SPOCK1: variants seen among roughly 807,000 people sequenced by gnomAD.
SPOCK1 encodes SPARC (osteonectin), cwcv and kazal like domains proteoglycan 1.
A neutral mutation model predicts 55.3 loss-of-function variants in SPOCK1; 23 were observed. That is an observed-to-expected ratio of 0.42 (90% confidence interval 0.30 to 0.59). The LOEUF is 0.59. Ranked by LOEUF, SPOCK1 falls within the 20% of genes least tolerant of loss-of-function variation. SPOCK1 has a pLI of 0.22. For synonymous variants in SPOCK1, 226 were observed against 221.0 expected (o/e 1.02, Z -0.20); for missense variants, 499 against 552.5 (o/e 0.90, Z 0.97).
chr5:137,081,116 C>T (rs533969512), intron 5 of SPOCK1, among the ~76,000 whole-genome samples: 6 of 152,342 alleles, frequency 3.9e-5, no homozygotes, highest in African/African-American at 1.2e-4. Flanking sequence ...TTCTGAGGGG[C>T]ATTCCAGGCC....
chr5:137,142,682 C>T (rs1293930142), intron 3 of SPOCK1, among the ~76,000 whole-genome samples: 1 of 152,208 alleles, frequency 6.6e-6, no homozygotes, highest in East Asian at 1.9e-4. Flanking sequence ...CTGAAGGCAA[C>T]CTCTGCAAGG....
chr5:137,122,894 A>G (rs1580762432), intron 4 of SPOCK1, among the ~76,000 whole-genome samples: 1 of 152,244 alleles, frequency 6.6e-6, no homozygotes, highest in Non-Finnish European at 1.5e-5. Flanking sequence ...AACACCTGTA[A>G]TTGTTTTCTG....
At chr5:137,024,695 G>C (rs1751638714) in intron 6 of SPOCK1, among the ~76,000 whole-genome samples, 1 of 151,918 alleles carries the variant, frequency 6.6e-6, no homozygotes, top group South Asian at 2.1e-4. Flanking sequence ...TGATATGTCA[G>C]TCATCTCTAC....
intron 6 of SPOCK1, among the ~76,000 whole-genome samples, chr5:137,002,168 AATAAG>A (rs1424023578): frequency 2.6e-5 from 4 of 152,148 alleles, no homozygotes; most frequent in Admixed American, 6.6e-5. Context: ...TTAAACTTGG[AATAAG>A]ATGAGTTATA....
intron 3 of SPOCK1, among the ~76,000 whole-genome samples, chr5:137,229,191 T>C (rs571859067): frequency 6.6e-6 from 1 of 152,324 alleles, no homozygotes; most frequent in South Asian, 2.1e-4. Context: ...TATTTTTGCC[T>C]TTCCATTTAT....
chr5:136,991,350 A>G (rs1400192495), intron 7 of SPOCK1, among the ~76,000 whole-genome samples: 1 of 152,096 alleles, frequency 6.6e-6, no homozygotes, highest in African/African-American at 2.4e-5. Flanking sequence ...TTCTTAAGGT[A>G]AAAGATCCCA....
chr5:137,376,547 G>T (rs1376371820), intron 2 of SPOCK1, among the ~76,000 whole-genome samples: 2 of 152,192 alleles, frequency 1.3e-5, no homozygotes, highest in Non-Finnish European at 2.9e-5. Context: ...GGGGCAGAGG[G>T]GGGCCTTTTA....
At chr5:137,337,086 G>A (rs533709327) in intron 2 of SPOCK1, among the ~76,000 whole-genome samples, 12 of 152,170 alleles carry the variant, frequency 7.9e-5, no homozygotes, top group Non-Finnish European at 1.8e-4. Flanking sequence ...ACTAGTACCT[G>A]CTGAATTAAC....
At chr5:137,066,987 CAGAG>C (rs753181225) in intron 6 of SPOCK1, among the ~76,000 whole-genome samples, 33 of 139,628 alleles carry the variant, frequency 2.4e-4, no homozygotes, top group African/African-American at 4.7e-4. Context: ...CACACACACA[CAGAG>C]AGAGAGAGAG....
Position 137,267,560 on chromosome 5 carries a change from C to T in SPOCK1, c.187-505G>A, listed in dbSNP as rs59681976. ...TCCAAATGTTAGAATTAACCAAAGG[C>T]GTACATTTAGCTTAATACCATTTGT... On this transcript the variant is annotated intron_variant, in intron 2 of 10. Coordinates refer to ENST00000394945, the MANE Select transcript of SPOCK1 (RefSeq NM_004598.4). Among the ~76,000 whole-genome samples, 311 of 152,258 alleles carry T rather than the reference C, an allele frequency of 2.0e-3. 1 individual carries two copies. The highest frequency in any genetic ancestry group is 7.1e-3 in the African/African-American group (296 of 41,538).
intron 6 of SPOCK1, among the ~76,000 whole-genome samples, chr5:137,063,405 G>GAA (rs546494577): frequency 0.1 from 12,357 of 123,464 alleles, 1,118 homozygotes; most frequent in African/African-American, 0.25. Context: ...TTTGACTTCT[G>GAA]AAAAAAAAAA....
chr5:136,994,358 T>C (rs1006799850), intron 6 of SPOCK1, among the ~76,000 whole-genome samples: 2 of 152,136 alleles, frequency 1.3e-5, no homozygotes, highest in African/African-American at 4.8e-5. Flanking sequence ...CTGGAATGAA[T>C]CCCAGCTTTG....
rs747142799 is a variant in SPOCK1, at chr5:137,384,576, A to ATATATATATATATG, written c.186+113796_186+113797insCATATATATATATA. On this transcript the variant is annotated intron_variant, in intron 2 of 10. Coordinates refer to ENST00000394945, the MANE Select transcript of SPOCK1 (RefSeq NM_004598.4). ...TATACATACATACATATATATATAT[A>ATATATATATATATG]TATGTATGTATTTTTTTTTCCCCCT... Among the ~76,000 whole-genome samples the ATATATATATATATG allele has an allele frequency of 3.3e-4, 46 of 140,256 alleles. 1 individual carries two copies. Among genetic ancestry groups the ATATATATATATATG allele is most frequent in the South Asian group, 1.2e-3 (5 of 4,284 alleles). The allele number at this position is 140,256 out of a possible 152,430, so 92.0% of individuals were successfully genotyped here.
chr5:137,056,771 C>A (rs1344015016), intron 6 of SPOCK1, among the ~76,000 whole-genome samples: 2 of 151,986 alleles, frequency 1.3e-5, no homozygotes, highest in Non-Finnish European at 2.9e-5. Flanking sequence ...AAGCTTGGAC[C>A]AAACATAGTA....
At position 136,978,788 on chromosome 5, in the gene SPOCK1, C is replaced by A; in HGVS notation, c.1186G>T (p.Asp396Tyr). ...FGSGGSVVLL[D>Y]DLEYERELGP... ...AGCTCCCGTTCATATTCTAGGTCAT[C>A]CAGCAGGACCACGGACCCACCACTG... Residue 396 changes from aspartate (D) to tyrosine (Y), a missense_variant, in exon 11 of 11, where the codon GAT (aspartate) becomes TAT (tyrosine). By Grantham distance (160) the Asp-to-Tyr change is radical (BLOSUM62 -3). Around this residue, in one of 3 missense-constraint regions of SPOCK1, gnomAD observed 83 missense variants for 87.5 expected, o/e 0.95. Coordinates refer to ENST00000394945, the MANE Select transcript of SPOCK1 (RefSeq NM_004598.4). 1 of 1,614,036 alleles carries A rather than the reference C, an allele frequency of 6.2e-7. No individual in the cohort carries two copies. Among genetic ancestry groups the A allele is most frequent in the Non-Finnish European group, 8.5e-7 (1 of 1,179,972 alleles).
chr5:137,231,481 T>C (rs1488544738), intron 3 of SPOCK1, among the ~76,000 whole-genome samples: 1 of 152,230 alleles, frequency 6.6e-6, no homozygotes, highest in African/African-American at 2.4e-5. Flanking sequence ...ATTATATAAT[T>C]ATACAGTCTA....
chr5:137,419,618 A>G (rs1251230818), intron 2 of SPOCK1, among the ~76,000 whole-genome samples: 3 of 152,190 alleles, frequency 2.0e-5, no homozygotes. Flanking sequence ...TTATTGGTGT[A>G]TAAGAATGCT....
chr5:137,188,280 C>T (rs781195913), intron 3 of SPOCK1, among the ~76,000 whole-genome samples: 6 of 152,210 alleles, frequency 3.9e-5, no homozygotes, highest in Non-Finnish European at 5.9e-5. Flanking sequence ...TATCTTATGG[C>T]GCTTTGCTTA....
intron 3 of SPOCK1, among the ~76,000 whole-genome samples, chr5:137,167,453 T>C (rs2127056138): frequency 6.7e-6 from 1 of 150,344 alleles, no homozygotes; most frequent in South Asian, 2.1e-4. Flanking sequence ...TAATCTGCAC[T>C]ATAGACCAAA....
Sources: gnomAD v4.1 joint callset for allele counts (sites outside exome capture counted in the v4.1 genomes callset) on GRCh38, gnomAD v4.1.1 for gene constraint, gnomAD v4.1.1 regional missense constraint, MANE v1.5 for transcripts, NCBI Gene and HGNC (gene_info 2026-07-23, HGNC 2026-07-21) for gene names.